RAPGEF4: variants seen among roughly 807,000 people sequenced by gnomAD.
RAPGEF4 encodes Rap guanine nucleotide exchange factor 4.
A neutral mutation model predicts 147.9 loss-of-function variants in RAPGEF4; 66 were observed. The observed-to-expected ratio is 0.45, with a 90% confidence interval of 0.37 to 0.55. The LOEUF is 0.55. Among genes scored for constraint, RAPGEF4 ranks in the 20% least tolerant of loss-of-function variants. The pLI, the probability that RAPGEF4 is intolerant of heterozygous loss-of-function variation, is 0.00. For synonymous variants in RAPGEF4, 419 were observed against 442.7 expected (o/e 0.95, Z 0.67); for missense variants, 1,071 against 1,257.3 (o/e 0.85, Z 2.24).
Position 173,014,482 on chromosome 2 carries a change from A to C in RAPGEF4, c.1677A>C (p.Ser559=). Reference sequence around the variant, plus strand: ...TCGGCACCTACCACGCACAGCCTTCACAAGGTACAGAACAGGAGAAAATGG... The same window carrying C: ...TCGGCACCTACCACGCACAGCCTTCCCAAGGTACAGAACAGGAGAAAATGG... The part of the protein sequence containing the change: ...ALVAHYHAQP[S]QGTEQEKMDY... The change falls in exon 18 of 31, where the codon TCA becomes TCC. Residue 559 remains serine (S), a synonymous_variant. Transcript: ENST00000397081. 1.2e-6 allele frequency: 2 copies of C among 1,614,022 alleles called. No homozygotes were observed. The highest frequency in any genetic ancestry group is 1.7e-6 in the Non-Finnish European group (2 of 1,179,960).
rs1052390457 is a variant in RAPGEF4 at position 172,960,671 on chromosome 2, A to G, written c.538-89A>G. 5 of 879,270 alleles carry G rather than the reference A, an allele frequency of 5.7e-6. No homozygotes were observed. In the East Asian group the frequency reaches 1.4e-4, roughly 25 times the overall value. The allele number at this position is 879,270 out of a possible 1,614,324, so 54.5% of individuals were successfully genotyped here. A position where few individuals can be genotyped will look rare whatever the true frequency, so the allele number is the denominator to read the frequency against. ...AATTATATTTTGAGTTTTATAAAAA[A>G]TGGATGTTTCTTATTATCCCCCAAC... On this transcript the variant is annotated intron_variant, in intron 6 of 30. Coordinates refer to ENST00000397081, the MANE Select transcript of RAPGEF4 (RefSeq NM_007023.4).
At chr2:172,865,155 C>T (rs961148413) in intron 4 of RAPGEF4, among the ~76,000 whole-genome samples, 8 of 152,194 alleles carry the variant, frequency 5.3e-5, no homozygotes, top group African/African-American at 1.9e-4. Context: ...CCATCGCCGC[C>T]AACCTCACTG....
chr2:172,858,007 A>G (rs1334304980), intron 4 of RAPGEF4, among the ~76,000 whole-genome samples: 1 of 151,902 alleles, frequency 6.6e-6, no homozygotes, highest in Non-Finnish European at 1.5e-5. Flanking sequence ...AGAGGAAGGT[A>G]ATATCCACAG....
intron 1 of RAPGEF4, among the ~76,000 whole-genome samples, chr2:172,750,290 AG>A (rs1207500360): frequency 6.6e-6 from 1 of 152,242 alleles, no homozygotes; most frequent in East Asian, 1.9e-4. Flanking sequence ...AAAGAAAAAA[AG>A]GTTTAATGGA....
chr2:172,746,802 A>G (rs1471255475), intron 1 of RAPGEF4, among the ~76,000 whole-genome samples: 1 of 151,942 alleles, frequency 6.6e-6, no homozygotes, highest in East Asian at 1.9e-4. Context: ...TAGTAGAGAC[A>G]GGGTTTCACC....
At chr2:173,017,610 G>A (rs1695628190) in intron 21 of RAPGEF4, 106 bp downstream of exon 21, 2 of 1,092,032 alleles carry the variant, frequency 1.8e-6, no homozygotes, top group East Asian at 2.5e-5. Flanking sequence ...AAGATGCCCT[G>A]TTGCCCTCCA....
At chr2:172,967,100 TC>T in intron 9 of RAPGEF4, 160 bp from the exon 10 acceptor site, 1 of 662,236 alleles carries the variant, frequency 1.5e-6, no homozygotes, top group Non-Finnish European at 2.5e-6. Context: ...GGTCATGTCT[TC>T]CAGCTGCACA....
intron 4 of RAPGEF4, among the ~76,000 whole-genome samples, chr2:172,916,234 C>T (rs1210775896): frequency 6.6e-6 from 1 of 152,102 alleles, no homozygotes; most frequent in Admixed American, 6.5e-5. Flanking sequence ...CATTAAGGTG[C>T]CTGAGACAAA....
At chr2:172,738,614 A>G (rs1694022392) in intron 1 of RAPGEF4, among the ~76,000 whole-genome samples, 1 of 150,146 alleles carries the variant, frequency 6.7e-6, no homozygotes, top group African/African-American at 2.5e-5. Context: ...GACCAAATCT[A>G]GAGTATAGGA....
chr2:172,758,467 T>C (rs1344355334), intron 1 of RAPGEF4, among the ~76,000 whole-genome samples: 1 of 152,088 alleles, frequency 6.6e-6, no homozygotes, highest in Non-Finnish European at 1.5e-5. Context: ...GAAAAGATGC[T>C]GGGGGAAGGG....
At chr2:172,850,136 G>A (rs915316239) in intron 4 of RAPGEF4, among the ~76,000 whole-genome samples, 5 of 152,088 alleles carry the variant, frequency 3.3e-5, no homozygotes, top group African/African-American at 7.2e-5. Flanking sequence ...AGGGCGTGGG[G>A]ATGCTGAGAA....
intron 4 of RAPGEF4, among the ~76,000 whole-genome samples, chr2:172,903,712 GC>G (rs11287068): frequency 1 from 152,157 of 152,160 alleles, 76,077 homozygotes; most frequent in Middle Eastern, 1. Flanking sequence ...GATACTGTAT[GC>G]CCCCCGGGGG....
chr2:173,000,952 A>G (rs1440878245), intron 16 of RAPGEF4, among the ~76,000 whole-genome samples: 4 of 141,642 alleles, frequency 2.8e-5, no homozygotes, highest in African/African-American at 5.2e-5. Flanking sequence ...TTCTGCATGT[A>G]TGGTACTGCC....
chr2:173,011,530 A>G lies in RAPGEF4; in HGVS notation c.1659-2934A>G, dbSNP rs548501075. On this transcript the variant is annotated intron_variant, in intron 17 of 30. Transcript: ENST00000397081. ...GCTCTATACACATGTTATCATAACA[A>G]GTAGGAAAGAATCTTTCCTCTCTCT... Among the ~76,000 whole-genome samples the G allele has an allele frequency of 5.3e-5, 8 of 152,272 alleles. 1 individual carries two copies. The highest frequency in any genetic ancestry group is 1.9e-4 in the African/African-American group (8 of 41,550).
intron 4 of RAPGEF4, among the ~76,000 whole-genome samples, chr2:172,894,803 C>T (rs904261559): frequency 6.6e-6 from 1 of 152,068 alleles, no homozygotes; most frequent in African/African-American, 2.4e-5. Context: ...TTTTCTTATT[C>T]CAGTTTGTAC....
chr2:172,837,689 T>C (rs1267752412), intron 4 of RAPGEF4, among the ~76,000 whole-genome samples: 3 of 152,152 alleles, frequency 2.0e-5, no homozygotes, highest in Non-Finnish European at 2.9e-5. Flanking sequence ...CACCTCAGCC[T>C]CCTGATTAGC....
Position 173,036,667 on chromosome 2 carries a change from AC to A in RAPGEF4, c.2829del (p.Asp943GlufsTer3). On this transcript the variant is annotated frameshift_variant, in exon 29 of 31. Transcript: ENST00000397081. LOFTEE classifies it high-confidence loss of function. ...CATGAGGGGAACAAGACGTTCATTG[AC>A]AATCTAGTAAACTTTGAAAAAATGG... Reference protein sequence around the residue: ...FTHEGNKTFIDNLVNFEKMRM... With the variant: ...FTHEGNKTFIXNLVNFEKMRM... The A allele has an allele frequency of 1.9e-6, 3 of 1,611,518 alleles. No individual in the cohort carries two copies. Among genetic ancestry groups the A allele is most frequent in the Non-Finnish European group, 2.5e-6 (3 of 1,178,068 alleles).
chr2:172,947,673 T>C (rs916913183), intron 6 of RAPGEF4, among the ~76,000 whole-genome samples: 1 of 152,208 alleles, frequency 6.6e-6, no homozygotes, highest in Non-Finnish European at 1.5e-5. Context: ...CAAATGTTTT[T>C]ATAAACTTCA....
At chr2:172,918,060 TG>T (rs752104954) in intron 5 of RAPGEF4, 186 bp downstream of exon 5, 2 of 744,072 alleles carry the variant, frequency 2.7e-6, no homozygotes, top group South Asian at 2.8e-5. Flanking sequence ...TATTAGTCTG[TG>T]GTCTTAGCTG....
Sources: gnomAD v4.1 joint callset for allele counts (sites outside exome capture counted in the v4.1 genomes callset) on GRCh38, gnomAD v4.1.1 for gene constraint, MANE v1.5 for transcripts, NCBI Gene and HGNC (gene_info 2026-07-23, HGNC 2026-07-21) for gene names.